The following PTPRG variants were observed in gnomAD, a reference collection of about 807,000 sequenced individuals.
PTPRG encodes protein tyrosine phosphatase receptor type G, also known as receptor-type tyrosine-protein phosphatase gamma.
PTPRG carries 102 observed loss-of-function variants against 165.3 expected under a neutral mutation model. The ratio of observed to expected loss-of-function variants is 0.62; its 90% CI spans 0.53 to 0.73. PTPRG has a LOEUF of 0.73. PTPRG is among the 30% of genes least tolerant of loss of function. The pLI, the probability that PTPRG is intolerant of heterozygous loss-of-function variation, is 0.00. For synonymous variants in PTPRG, 675 were observed against 669.5 expected (o/e 1.01, Z -0.13); for missense variants, 1,866 against 1,861.4 (o/e 1.00, Z -0.05).
At chr3:61,842,939 C>T (rs1366439311) in intron 2 of PTPRG, among the ~76,000 whole-genome samples, 2 of 152,230 alleles carry the variant, frequency 1.3e-5, no homozygotes, top group East Asian at 1.9e-4. Context: ...GAGCCTATTA[C>T]GGCCACCATC....
At chr3:61,782,943 C>T (rs1262373297) in intron 2 of PTPRG, among the ~76,000 whole-genome samples, 1 of 152,062 alleles carries the variant, frequency 6.6e-6, no homozygotes, top group African/African-American at 2.4e-5. Flanking sequence ...ATTGGGACTA[C>T]AGGTGTGTAC....
intron 5 of PTPRG, among the ~76,000 whole-genome samples, chr3:62,080,306 C>T (rs1266953574): frequency 6.6e-6 from 1 of 151,620 alleles, no homozygotes; most frequent in Non-Finnish European, 1.5e-5. Flanking sequence ...AAACTCTCAA[C>T]CTCACGTGAT....
At chr3:61,928,005 T>C (rs1019489064) in intron 2 of PTPRG, among the ~76,000 whole-genome samples, 2 of 152,172 alleles carry the variant, frequency 1.3e-5, no homozygotes, top group African/African-American at 4.8e-5. Context: ...CCTGTACCGG[T>C]CACCTAGCTG....
At chr3:62,283,917 G>C (rs1431851399) in intron 28 of PTPRG, among the ~76,000 whole-genome samples, 1 of 152,058 alleles carries the variant, frequency 6.6e-6, no homozygotes, top group South Asian at 2.1e-4. Flanking sequence ...AAGCATTACA[G>C]TTGAAACATT....
chr3:61,989,845 A>C (rs759335489), intron 3 of PTPRG, 41 bp downstream of exon 3: 1 of 1,603,338 alleles, frequency 6.2e-7, no homozygotes, highest in African/African-American at 1.3e-5. Context: ...AGCAACAGGA[A>C]CTATTTTTGG....
chr3:61,748,947 G>C lies in PTPRG; in HGVS notation c.155G>C (p.Arg52Pro), dbSNP rs760765025. ...GGCAGCGCAGTGCAGATCCGCAGGC[G>C]CAAGGCTTCAGGCGACCCGTACTGG... ...RHGSAVQIRR[R>P]KASGDPYWAY... Residue 52 changes from arginine to proline, a missense_variant, in exon 2 of 30, where the codon CGC (arginine) becomes CCC (proline). Transcript: ENST00000474889. 1.2e-6 allele frequency: 2 copies of C among 1,611,664 alleles called. No homozygotes were observed. The highest frequency in any genetic ancestry group is 4.5e-5 in the East Asian group (2 of 44,854).
chr3:61,814,067 A>G (rs2035680890), intron 2 of PTPRG, among the ~76,000 whole-genome samples: 1 of 151,928 alleles, frequency 6.6e-6, no homozygotes, highest in Non-Finnish European at 1.5e-5. Context: ...GGCCTGACTA[A>G]TTTTTGTATT....
chr3:61,646,258 C>T (rs1304699315), intron 1 of PTPRG, among the ~76,000 whole-genome samples: 7 of 152,110 alleles, frequency 4.6e-5, no homozygotes, highest in South Asian at 2.1e-4. Context: ...GGTCCCACCA[C>T]GCCACCACGC....
At chr3:61,672,608 A>C (rs1703050547) in intron 1 of PTPRG, among the ~76,000 whole-genome samples, 1 of 151,282 alleles carries the variant, frequency 6.6e-6, no homozygotes, top group African/African-American at 2.4e-5. Context: ...AATTGCAGGC[A>C]CTCGGCAGGC....
In PTPRG at chr3:62,231,701, G is replaced by A. The variant is rs187441713; in HGVS notation, c.2375+390G>A. 2.7e-3 allele frequency among the ~76,000 whole-genome samples: 412 copies of A among 152,216 alleles called. 2 individuals carry two copies. The highest frequency in any genetic ancestry group is 9.4e-3 in the African/African-American group (391 of 41,532). ...ATATAATGCATGCATATAGCCTTAT[G>A]TGAAAAATACCTCTTAGAAACCTAA... On this transcript the variant is annotated intron_variant, in intron 14 of 29. Transcript: ENST00000474889.
At chr3:61,593,708 G>GA (rs751784249) in intron 1 of PTPRG, among the ~76,000 whole-genome samples, 73 of 38,474 alleles carry the variant, frequency 1.9e-3, no homozygotes, top group East Asian at 8.8e-3. Flanking sequence ...AGGAAAACTG[G>GA]AAAAAAAAAA....
At chr3:62,167,551 C>G (rs1008468582) in intron 7 of PTPRG, among the ~76,000 whole-genome samples, 1 of 152,122 alleles carries the variant, frequency 6.6e-6, no homozygotes, top group South Asian at 2.1e-4. Flanking sequence ...GTTCAGGTCA[C>G]AGAGTGGGTA....
At chr3:61,665,319 A>G (rs1184470030) in intron 1 of PTPRG, among the ~76,000 whole-genome samples, 1 of 151,412 alleles carries the variant, frequency 6.6e-6, no homozygotes, top group Non-Finnish European at 1.5e-5. Flanking sequence ...AATCTATTGC[A>G]CAAAGTCAGA....
At chr3:62,200,545 A>G (rs531174045) in intron 10 of PTPRG, among the ~76,000 whole-genome samples, 1 of 152,302 alleles carries the variant, frequency 6.6e-6, no homozygotes, top group Admixed American at 6.5e-5. Flanking sequence ...CTAGGATTAC[A>G]GGCTTGAGCC....
chr3:61,819,511 T>G (rs1375778572), intron 2 of PTPRG, among the ~76,000 whole-genome samples: 1 of 152,128 alleles, frequency 6.6e-6, no homozygotes, highest in Non-Finnish European at 1.5e-5. Context: ...ATCTAGGCAA[T>G]AATTATCAAT....
At chr3:61,735,159 CA>C (rs2032669964) in intron 1 of PTPRG, among the ~76,000 whole-genome samples, 1 of 152,134 alleles carries the variant, frequency 6.6e-6, no homozygotes, top group Non-Finnish European at 1.5e-5. Context: ...GCTATTTAAA[CA>C]GACCTAGAGA....
In PTPRG at chr3:61,892,480, G is replaced by A. The variant is rs868421793; in HGVS notation, c.191-97145G>A. On this transcript the variant is annotated intron_variant, in intron 2 of 29. Coordinates refer to ENST00000474889, the MANE Select transcript of PTPRG (RefSeq NM_002841.4). ...TCCTCTCACTTCAGCCTCCCAAAGC[G>A]CTGGGATTACAGGCATGAGCCACCA... Among the ~76,000 whole-genome samples the A allele has an allele frequency of 6.6e-5, 10 of 152,280 alleles. No homozygotes were observed. The East Asian group carries it at 1.7e-3, about 27-fold the overall frequency.
intron 5 of PTPRG, among the ~76,000 whole-genome samples, chr3:62,087,199 G>T (rs1026548175): frequency 1.4e-4 from 22 of 152,274 alleles, no homozygotes; most frequent in Admixed American, 2.6e-4. Context: ...CCTCTGAAAG[G>T]TTAAGTGATT....
At chr3:61,854,336 T>A (rs1419971400) in intron 2 of PTPRG, among the ~76,000 whole-genome samples, 1 of 152,196 alleles carries the variant, frequency 6.6e-6, no homozygotes, top group Non-Finnish European at 1.5e-5. Context: ...CGGTTTCTTA[T>A]CTGTAAAATA....
Sources: allele counts gnomAD v4.1 joint callset (sites outside exome capture counted in the v4.1 genomes callset), GRCh38; gene constraint gnomAD v4.1.1; transcripts MANE v1.5; gene names NCBI Gene and HGNC (gene_info 2026-07-23, HGNC 2026-07-21).